Variants in SLCO5A1 observed in about 807,000 individuals in gnomAD.
The protein encoded by SLCO5A1 is solute carrier organic anion transporter family member 5A1.
Under a neutral mutation model 65.1 loss-of-function variants are expected in SLCO5A1, and 39 were observed. The observed-to-expected ratio is 0.60, with a 90% CI of 0.46 to 0.78. SLCO5A1 has a LOEUF of 0.78. Ranked by LOEUF, SLCO5A1 falls within the 30% of genes least tolerant of loss-of-function variation. The pLI is 0.00. For synonymous variants in SLCO5A1, 438 were observed against 415.7 expected (o/e 1.05, Z -0.65); for missense variants, 1,029 against 1,069.4 (o/e 0.96, Z 0.53).
intron 6 of SLCO5A1, among the ~76,000 whole-genome samples, chr8:69,700,050 C>T (rs1366470372): frequency 3.9e-5 from 6 of 152,170 alleles, no homozygotes; most frequent in Admixed American, 1.3e-4. Context: ...GAGCCATGAT[C>T]GTGCCACGGC....
intron 2 of SLCO5A1, among the ~76,000 whole-genome samples, chr8:69,800,245 ATTTTTTTT>A (rs749384852): frequency 3.7e-5 from 3 of 81,302 alleles, no homozygotes; most frequent in East Asian, 7.8e-4. Context: ...AGACGCTTGA[ATTTTTTTT>A]TTTTTTTTTT....
At chr8:69,794,605 T>C (rs1437551953) in intron 2 of SLCO5A1, 1 of 329,136 alleles carries the variant, frequency 3.0e-6, no homozygotes, top group Non-Finnish European at 6.2e-6. Context: ...GGAAATTGTA[T>C]ACAGTTTTTG....
At chr8:69,701,350 T>C (rs1240668501) in intron 6 of SLCO5A1, among the ~76,000 whole-genome samples, 1 of 152,210 alleles carries the variant, frequency 6.6e-6, no homozygotes, top group Non-Finnish European at 1.5e-5. Flanking sequence ...GCCAGGGCTA[T>C]TTAAAATTTA....
intron 2 of SLCO5A1, among the ~76,000 whole-genome samples, chr8:69,770,034 T>C (rs568235400): frequency 1.3e-5 from 2 of 152,360 alleles, no homozygotes; most frequent in Middle Eastern, 6.8e-3. Context: ...ATCTACTGTA[T>C]AAACTTTTTA....
intron 2 of SLCO5A1, among the ~76,000 whole-genome samples, chr8:69,800,397 G>A (rs895271547): frequency 6.6e-6 from 1 of 151,912 alleles, no homozygotes; most frequent in Non-Finnish European, 1.5e-5. Flanking sequence ...ACTGCCTCTT[G>A]CATGATGTGC....
intron 2 of SLCO5A1, among the ~76,000 whole-genome samples, chr8:69,776,669 G>A (rs139685256): frequency 1.3e-4 from 20 of 152,048 alleles, no homozygotes; most frequent in African/African-American, 4.3e-4. Context: ...CAGCCTGGAC[G>A]ACAGAGTGAG....
intron 5 of SLCO5A1, chr8:69,713,253 G>A (rs1488228701): frequency 6.6e-6 from 1 of 152,126 alleles, no homozygotes; most frequent in African/African-American, 2.4e-5. Context: ...TGTTTTCCAT[G>A]TCCAAAGTTT....
intron 2 of SLCO5A1, among the ~76,000 whole-genome samples, chr8:69,798,032 A>G (rs1394207413): frequency 1.3e-5 from 2 of 152,084 alleles, no homozygotes; most frequent in African/African-American, 4.8e-5. Flanking sequence ...TCCCCCGGAC[A>G]CCCAGCTTTA....
chr8:69,694,359 A>T (rs897504451), intron 6 of SLCO5A1, among the ~76,000 whole-genome samples: 1 of 152,206 alleles, frequency 6.6e-6, no homozygotes, highest in African/African-American at 2.4e-5. Flanking sequence ...AGCATAAGAC[A>T]TGTGTAAGTG....
intron 2 of SLCO5A1, among the ~76,000 whole-genome samples, chr8:69,787,345 G>T (rs1455417517): frequency 1.3e-5 from 2 of 152,146 alleles, no homozygotes; most frequent in Non-Finnish European, 2.9e-5. Context: ...TCCGGCCACT[G>T]ACCCGAAAGA....
chr8:69,762,863 G>A (rs905100443), intron 2 of SLCO5A1, among the ~76,000 whole-genome samples: 2 of 152,204 alleles, frequency 1.3e-5, no homozygotes, highest in Admixed American at 1.3e-4. Flanking sequence ...CTACCTAAAT[G>A]GCATGGGTCA....
chr8:69,778,700 G>C (rs1563719149), intron 2 of SLCO5A1, among the ~76,000 whole-genome samples: 1 of 152,126 alleles, frequency 6.6e-6, no homozygotes, highest in African/African-American at 2.4e-5. Flanking sequence ...TGCTATCTTT[G>C]TGTAAAGTTA....
intron 5 of SLCO5A1, among the ~76,000 whole-genome samples, chr8:69,732,435 C>T (rs576727061): frequency 9.2e-5 from 14 of 152,216 alleles, no homozygotes; most frequent in African/African-American, 2.6e-4. Flanking sequence ...TGAAAACAGA[C>T]GTTGTGGACC....
At chr8:69,706,152 C>T (rs1441002586) in intron 5 of SLCO5A1, among the ~76,000 whole-genome samples, 1 of 152,138 alleles carries the variant, frequency 6.6e-6, no homozygotes, top group Non-Finnish European at 1.5e-5. Context: ...TATACAAAGA[C>T]AATGATGAAT....
In SLCO5A1 at chr8:69,832,955, G is replaced by A; in HGVS notation, c.-282C>T. The A allele has an allele frequency of 2.4e-6, 1 of 425,344 alleles. No individual in the cohort carries two copies. The highest frequency in any genetic ancestry group is 4.1e-6 in the Non-Finnish European group (1 of 245,960). The allele number at this position is 425,344 out of a possible 1,614,324, so 26.3% of individuals were successfully genotyped here. On this transcript the variant is annotated 5_prime_UTR_variant, in exon 2 of 10. Coordinates refer to ENST00000260126, the MANE Select transcript of SLCO5A1 (RefSeq NM_030958.3). This position sits in a 1 kb window ranked among gnomAD's most constrained non-coding sequence, Gnocchi z 4.5. Reference sequence around the variant, plus strand: ...ACTCGGCGTCCCTCTCCGGGCGGTAGCTTGAGGCAGGCGCCTCGCGCGTCC... The same window carrying A: ...ACTCGGCGTCCCTCTCCGGGCGGTAACTTGAGGCAGGCGCCTCGCGCGTCC...
chr8:69,749,793 CAATA>C (rs1817207492), intron 4 of SLCO5A1, among the ~76,000 whole-genome samples: 4 of 149,674 alleles, frequency 2.7e-5, no homozygotes, highest in Admixed American at 2.7e-4. Context: ...ATTGGGGAGA[CAATA>C]AATAAGTAAG....
intron 5 of SLCO5A1, among the ~76,000 whole-genome samples, chr8:69,728,774 AAG>A (rs1236221412): frequency 1.3e-5 from 2 of 152,226 alleles, no homozygotes; most frequent in Non-Finnish European, 2.9e-5. Context: ...CATTAAACAA[AAG>A]AGATAAAATA....
At chr8:69,805,420 C>A (rs1366992632) in intron 2 of SLCO5A1, among the ~76,000 whole-genome samples, 1 of 152,090 alleles carries the variant, frequency 6.6e-6, no homozygotes, top group Non-Finnish European at 1.5e-5. Flanking sequence ...CCTATGATCC[C>A]AAGATAAGAG....
At chr8:69,784,946 G>GAAAGAAAC (rs1818989310) in intron 2 of SLCO5A1, among the ~76,000 whole-genome samples, 1 of 122,556 alleles carries the variant, frequency 8.2e-6, no homozygotes, top group Admixed American at 8.6e-5. Flanking sequence ...AAGAAAGAAA[G>GAAAGAAAC]AAAGAAGAAA....
Sources: allele counts gnomAD v4.1 joint callset (sites outside exome capture counted in the v4.1 genomes callset), GRCh38; gene constraint gnomAD v4.1.1; non-coding constraint Gnocchi (gnomAD v3.1); transcripts MANE v1.5; gene names NCBI Gene and HGNC (gene_info 2026-07-23, HGNC 2026-07-21).